The following ADCY1 variants were observed in gnomAD, a reference collection of about 807,000 sequenced individuals.
The protein encoded by ADCY1 is adenylate cyclase type 1.
A neutral mutation model predicts 105.4 loss-of-function variants in ADCY1; 28 were observed. That is an observed-to-expected ratio of 0.27 (90% CI 0.20 to 0.36). The LOEUF (loss-of-function observed/expected upper bound fraction) is 0.36, where lower values mean the gene tolerates loss of function less well. ADCY1 is among the 10% of genes least tolerant of loss of function. The pLI is 1.00. For synonymous variants in ADCY1, 655 were observed against 623.8 expected, an observed-to-expected ratio of 1.05 and a Z score of -0.75; for missense variants, 977 against 1,434.2, an observed-to-expected ratio of 0.68 and a Z score of 5.15.
intron 8 of ADCY1, chr7:45,664,145 T>C (rs960863606): frequency 1.4e-6 from 1 of 711,204 alleles, no homozygotes; most frequent in Non-Finnish European, 2.4e-6. Context: ...GGGGATGGGA[T>C]ATTGAGGGTG....
chr7:45,608,855 G>C (rs1020741428), intron 2 of ADCY1, among the ~76,000 whole-genome samples: 8 of 152,056 alleles, frequency 5.3e-5, no homozygotes, highest in African/African-American at 1.9e-4. Context: ...GGGGCCCTTG[G>C]TGGGGGTGGG....
At chr7:45,692,257 A>G (rs551815879) in intron 14 of ADCY1, among the ~76,000 whole-genome samples, 1 of 152,300 alleles carries the variant, frequency 6.6e-6, no homozygotes, top group South Asian at 2.1e-4. Flanking sequence ...TCCACTCTGT[A>G]CCTACACACA....
At chr7:45,604,304 G>A (rs79673254) in intron 2 of ADCY1, among the ~76,000 whole-genome samples, 1,767 of 152,164 alleles carry the variant, frequency 0.012, 46 homozygotes, top group African/African-American at 0.041. Context: ...ACCTATAGTT[G>A]ATCATTTCAT....
At chr7:45,689,143 G>T (rs1784740511) in intron 14 of ADCY1, among the ~76,000 whole-genome samples, 2 of 151,782 alleles carry the variant, frequency 1.3e-5, no homozygotes, top group Non-Finnish European at 2.9e-5. Context: ...GTGGGCAGGG[G>T]TTGCTGAGAA....
At chr7:45,638,625 G>A (rs1420914014) in intron 4 of ADCY1, among the ~76,000 whole-genome samples, 1 of 151,986 alleles carries the variant, frequency 6.6e-6, no homozygotes, top group Admixed American at 6.6e-5. Flanking sequence ...CCTCATATGT[G>A]CTGGTCTTGT....
chr7:45,607,004 CTT>C (rs1242193597), intron 2 of ADCY1, among the ~76,000 whole-genome samples: 3 of 140,038 alleles, frequency 2.1e-5, no homozygotes, highest in Admixed American at 7.1e-5. Context: ...GCTACTTCGT[CTT>C]TTTTTTTTTT....
chr7:45,683,973 C>G (rs1214319853), intron 11 of ADCY1, among the ~76,000 whole-genome samples: 1 of 152,236 alleles, frequency 6.6e-6, no homozygotes, highest in African/African-American at 2.4e-5. Flanking sequence ...GCGGGGGAAG[C>G]AGATGATGGG....
intron 3 of ADCY1, among the ~76,000 whole-genome samples, chr7:45,617,111 A>G (rs142037085): frequency 0.019 from 2,935 of 152,328 alleles, 81 homozygotes; most frequent in South Asian, 0.13. Flanking sequence ...GCCATTTTTT[A>G]AATCCTAGCT....
At chr7:45,640,320 C>T (rs954422506) in intron 4 of ADCY1, among the ~76,000 whole-genome samples, 2 of 152,176 alleles carry the variant, frequency 1.3e-5, no homozygotes, top group African/African-American at 2.4e-5. Flanking sequence ...CAATGGCTTG[C>T]AAGCAAGGTT....
intron 4 of ADCY1, among the ~76,000 whole-genome samples, chr7:45,643,898 G>C (rs1469245422): frequency 1.3e-5 from 2 of 152,208 alleles, no homozygotes; most frequent in African/African-American, 2.4e-5. Flanking sequence ...CTCCCCTGAG[G>C]CAGGGAGGCT....
At chr7:45,632,344 C>T (rs1451124745) in intron 4 of ADCY1, among the ~76,000 whole-genome samples, 14 of 152,094 alleles carry the variant, frequency 9.2e-5, no homozygotes. Flanking sequence ...ATCAATTTGT[C>T]AGTTTCTGTA....
chr7:45,609,171 A>G (rs759537450), intron 2 of ADCY1, among the ~76,000 whole-genome samples: 1 of 152,052 alleles, frequency 6.6e-6, no homozygotes, highest in Non-Finnish European at 1.5e-5. Context: ...GTGGGTAGCT[A>G]TTTTCACTGT....
chr7:45,686,748 G>A lies in ADCY1; in HGVS notation c.2454+75G>A. The stretch of plus-strand genomic sequence containing the variant: ...AGAAGTCTTCAGCAAGCATCTGACG[G>A]GGGCTGCCACAGACACCCACACGCC... On this transcript the variant is annotated intron_variant, in intron 14 of 19. Coordinates refer to ENST00000297323, the MANE Select transcript of ADCY1 (RefSeq NM_021116.4). The surrounding 1 kb of genome is among the most constrained non-coding windows in gnomAD (Gnocchi z 4.3). 1 of 1,523,988 alleles carries A rather than the reference G, an allele frequency of 6.6e-7. No individual in the cohort carries two copies. Among genetic ancestry groups the A allele is most frequent in the Non-Finnish European group, 8.8e-7 (1 of 1,135,110 alleles). 94.4% of individuals were successfully genotyped at this position (1,523,988 alleles called of 1,614,324 possible).
chr7:45,698,164 T>TACACACACACAC (rs72397514), intron 14 of ADCY1, among the ~76,000 whole-genome samples: 11 of 147,618 alleles, frequency 7.5e-5, no homozygotes, highest in Non-Finnish European at 1.5e-4. Flanking sequence ...CATACTCTCT[T>TACACACACACAC]ACACACACAC....
At chr7:45,642,910 G>C (rs189663759) in intron 4 of ADCY1, among the ~76,000 whole-genome samples, 39 of 152,218 alleles carry the variant, frequency 2.6e-4, no homozygotes, top group East Asian at 1.2e-3. Context: ...TACTTATTCA[G>C]CTATTTGGTT....
At chr7:45,657,985 C>G in intron 6 of ADCY1, 100 bp downstream of exon 6, 1 of 1,352,614 alleles carries the variant, frequency 7.4e-7, no homozygotes, top group Non-Finnish European at 1.0e-6. Flanking sequence ...CTCTTGAGGG[C>G]ACTTGTGTGA....
At chr7:45,685,784 TG>T (rs1456755530) in intron 12 of ADCY1, among the ~76,000 whole-genome samples, 177 bp from the exon 13 acceptor site, 1 of 152,122 alleles carries the variant, frequency 6.6e-6, no homozygotes, top group East Asian at 1.9e-4. Context: ...TGGCAGCCAG[TG>T]GGGAGCCTTG....
chr7:45,720,792 A>C lies in ADCY1; in HGVS notation c.*6797A>C, dbSNP rs1785458444. On this transcript the variant is annotated 3_prime_UTR_variant, in exon 20 of 20. Transcript: ENST00000297323. ...GTGACCACAAATAAAGGAAACACTC[A>C]TCACTAGTATCTAAGTCGGGCTTTA... The C allele has an allele frequency of 6.6e-6, 1 of 152,206 alleles. No individual in the cohort carries two copies. Among genetic ancestry groups the C allele is most frequent in the Admixed American group, 6.5e-5 (1 of 15,284 alleles). 9.4% of individuals were successfully genotyped at this position (152,206 alleles called of 1,614,324 possible).
chr7:45,645,672 G>C (rs1011854366), intron 4 of ADCY1, among the ~76,000 whole-genome samples: 1 of 152,148 alleles, frequency 6.6e-6, no homozygotes, highest in African/African-American at 2.4e-5. Flanking sequence ...ACACAGCTCA[G>C]AGCTGAGGTG....
Sources: gnomAD v4.1 joint callset for allele counts (sites outside exome capture counted in the v4.1 genomes callset) on GRCh38, gnomAD v4.1.1 for gene constraint, Gnocchi (gnomAD v3.1) non-coding constraint, MANE v1.5 for transcripts, NCBI Gene and HGNC (gene_info 2026-07-23, HGNC 2026-07-21) for gene names.